Variants in ST6GALNAC5 observed in about 807,000 individuals in gnomAD.
ST6GALNAC5 encodes alpha-N-acetylgalactosaminide alpha-2,6-sialyltransferase 5.
In ST6GALNAC5, 27 loss-of-function variants were observed where a neutral mutation model predicts 33.6. The ratio of observed to expected loss-of-function variants is 0.80; its 90% CI spans 0.59 to 1.11. ST6GALNAC5 has a LOEUF of 1.11. ST6GALNAC5 is among the 50% of genes least tolerant of loss of function. The probability of loss-of-function intolerance (pLI) is 0.00; values close to 1 mark genes in which losing one functional copy is unlikely to be tolerated. For missense variants in ST6GALNAC5, 428 were observed against 454.0 expected, an observed-to-expected ratio of 0.94 and a Z score of 0.52; for synonymous variants, 194 against 171.2, an observed-to-expected ratio of 1.13 and a Z score of -1.04.
chr1:76,869,463 T>C (rs929600983), intron 2 of ST6GALNAC5, among the ~76,000 whole-genome samples: 1 of 152,238 alleles, frequency 6.6e-6, no homozygotes, highest in Non-Finnish European at 1.5e-5. Context: ...GGGAGAATCC[T>C]AATCAAGTTT....
chr1:77,006,195 C>T (rs1050196396), intron 2 of ST6GALNAC5, among the ~76,000 whole-genome samples: 9 of 151,832 alleles, frequency 5.9e-5, no homozygotes, highest in African/African-American at 2.2e-4. Context: ...TCTTCTGTTG[C>T]CCAGGCTAGG....
chr1:77,026,134 C>T (rs1057294723), intron 2 of ST6GALNAC5, among the ~76,000 whole-genome samples: 3 of 152,166 alleles, frequency 2.0e-5, no homozygotes, highest in Non-Finnish European at 4.4e-5. Context: ...TTCCATGGCA[C>T]TTATGTGGTT....
chr1:76,945,530 ATAAC>A (rs1647487159), intron 2 of ST6GALNAC5, among the ~76,000 whole-genome samples: 1 of 152,106 alleles, frequency 6.6e-6, no homozygotes, highest in East Asian at 1.9e-4. Flanking sequence ...TTGTGAAAAA[ATAAC>A]TAATGCACAA....
intron 2 of ST6GALNAC5, among the ~76,000 whole-genome samples, chr1:76,976,547 T>A (rs1208266771): frequency 6.6e-6 from 1 of 151,264 alleles, no homozygotes; most frequent in Non-Finnish European, 1.5e-5. Flanking sequence ...TCATCTGAGC[T>A]TGTTGTTTTT....
intron 2 of ST6GALNAC5, among the ~76,000 whole-genome samples, chr1:76,883,011 T>G (rs1653817047): frequency 6.6e-6 from 1 of 152,160 alleles, no homozygotes; most frequent in Non-Finnish European, 1.5e-5. Context: ...GCACCTCCTT[T>G]CTAAAGTTTT....
chr1:76,917,549 T>G (rs1366674201), intron 2 of ST6GALNAC5, among the ~76,000 whole-genome samples: 1 of 152,182 alleles, frequency 6.6e-6, no homozygotes, highest in East Asian at 1.9e-4. Flanking sequence ...AAAATTTTGA[T>G]GTCTTGTTTT....
chr1:76,904,181 G>T (rs1275596427), intron 2 of ST6GALNAC5, among the ~76,000 whole-genome samples: 4 of 152,188 alleles, frequency 2.6e-5, no homozygotes, highest in Non-Finnish European at 1.5e-5. Flanking sequence ...ATGGGAAAAG[G>T]ATGAATAGAT....
intron 2 of ST6GALNAC5, among the ~76,000 whole-genome samples, chr1:76,890,926 G>A (rs1392828601): frequency 6.6e-6 from 1 of 152,026 alleles, no homozygotes; most frequent in Admixed American, 6.6e-5. Flanking sequence ...TGAGAGGTTG[G>A]CAGCAAATAA....
At chr1:77,028,597 A>G (rs886471697) in intron 2 of ST6GALNAC5, among the ~76,000 whole-genome samples, 1 of 152,236 alleles carries the variant, frequency 6.6e-6, no homozygotes, top group African/African-American at 2.4e-5. Flanking sequence ...AAAGAAAGTT[A>G]TTCTGTCTCC....
At position 76,867,532 on chromosome 1, in the gene ST6GALNAC5, G is replaced by T. The variant is rs1257289056; in HGVS notation, c.-144G>T. ...AACAGCCGCGCTTCCCGGGTCCCGC[G>T]GCTCCCGCGCGCGATCTGCCGCGGC... On this transcript the variant is annotated 5_prime_UTR_variant, in exon 1 of 5. Coordinates refer to ENST00000477717, the MANE Select transcript of ST6GALNAC5 (RefSeq NM_030965.3). The T allele has an allele frequency of 7.7e-7, 1 of 1,292,406 alleles. No individual in the cohort carries two copies. Among genetic ancestry groups the T allele is most frequent in the South Asian group, 1.2e-5 (1 of 84,466 alleles). 80.1% of individuals were successfully genotyped at this position (1,292,406 alleles called of 1,614,324 possible). A position where few individuals can be genotyped will look rare whatever the true frequency, so the allele number is the denominator to read the frequency against.
chr1:76,881,739 G>T (rs1033650692), intron 2 of ST6GALNAC5, among the ~76,000 whole-genome samples: 1 of 152,182 alleles, frequency 6.6e-6, no homozygotes, highest in African/African-American at 2.4e-5. Flanking sequence ...TTACTGAAAA[G>T]GAATAGCTGC....
At chr1:76,895,538 G>T (rs1033038440) in intron 2 of ST6GALNAC5, among the ~76,000 whole-genome samples, 7 of 152,194 alleles carry the variant, frequency 4.6e-5, no homozygotes, top group Admixed American at 3.9e-4. Context: ...GGTATAAAAG[G>T]TCTAAGAATT....
rs1201037330 is a variant in ST6GALNAC5, at chr1:76,938,380, A to G, written c.261+69638A>G. 2.6e-5 allele frequency among the ~76,000 whole-genome samples: 4 copies of G among 152,120 alleles called. No individual in the cohort carries two copies. The East Asian group carries it at 7.7e-4, about 29-fold the overall frequency. On this transcript the variant is annotated intron_variant, in intron 2 of 4. Transcript: ENST00000477717. Reference sequence around the variant, plus strand: ...AAAGAGTTTTCTTTGTATGGCAAGGAACACTTAAACGTATCATTTGTAGAT... The same window carrying G: ...AAAGAGTTTTCTTTGTATGGCAAGGGACACTTAAACGTATCATTTGTAGAT...
chr1:76,974,861 C>T (rs1040239782), intron 2 of ST6GALNAC5, among the ~76,000 whole-genome samples: 11 of 131,848 alleles, frequency 8.3e-5, no homozygotes, highest in Non-Finnish European at 1.7e-4. Context: ...CAGCTCACTG[C>T]AGCAACTTCC....
Position 77,035,239 on chromosome 1 carries a change from T to G in ST6GALNAC5, c.262-8965T>G, listed in dbSNP as rs190784716. ...CATCTCTGAGATTTCTGCAACAATA[T>G]TATTCCATAAGTCTATGAAGCTCAT... On this transcript the variant is annotated intron_variant, in intron 2 of 4. Coordinates refer to ENST00000477717, the MANE Select transcript of ST6GALNAC5 (RefSeq NM_030965.3). Among the ~76,000 whole-genome samples the G allele has an allele frequency of 5.2e-3, 788 of 152,314 alleles. 5 individuals carry two copies. Among genetic ancestry groups the G allele is most frequent in the African/African-American group, 0.018 (755 of 41,572 alleles).
At chr1:76,881,278 C>T (rs1421290215) in intron 2 of ST6GALNAC5, among the ~76,000 whole-genome samples, 2 of 152,064 alleles carry the variant, frequency 1.3e-5, no homozygotes, top group Non-Finnish European at 1.5e-5. Flanking sequence ...CCATAAGCTC[C>T]GAGTCTTAAA....
intron 2 of ST6GALNAC5, among the ~76,000 whole-genome samples, chr1:77,005,192 G>A (rs941775171): frequency 6.6e-6 from 1 of 152,232 alleles, no homozygotes; most frequent in Non-Finnish European, 1.5e-5. Context: ...ATAATCTGGT[G>A]GTGCGCCATT....
rs74927521 is a variant in ST6GALNAC5, at chr1:77,056,980, C to A, written c.780-5995C>A. On this transcript the variant is annotated intron_variant, in intron 4 of 4. Transcript: ENST00000477717. ...TGTGACAGATGCTTGGGAAGGACTG[C>A]TGCAGGAATGTTTTCTTCTCAATGC... Among the ~76,000 whole-genome samples, 713 of 152,318 alleles carry A rather than the reference C, an allele frequency of 4.7e-3. 7 individuals are homozygous for A. Among genetic ancestry groups the A allele is most frequent in the African/African-American group, 0.017 (691 of 41,564 alleles).
intron 2 of ST6GALNAC5, among the ~76,000 whole-genome samples, chr1:76,989,084 CCTGT>C (rs1186330317): frequency 6.6e-6 from 1 of 152,090 alleles, no homozygotes; most frequent in Admixed American, 6.6e-5. Context: ...AGTCTTTTCA[CCTGT>C]CTGCCGAAAG....
Sources: allele counts gnomAD v4.1 joint callset (sites outside exome capture counted in the v4.1 genomes callset), GRCh38; gene constraint gnomAD v4.1.1; transcripts MANE v1.5; gene names NCBI Gene and HGNC (gene_info 2026-07-23, HGNC 2026-07-21).